HEXB: variants seen among roughly 807,000 people sequenced by gnomAD.
HEXB encodes beta-hexosaminidase subunit beta.
In HEXB, 51 loss-of-function variants were observed where a neutral mutation model predicts 71.2. The ratio of observed to expected loss-of-function variants is 0.72; its 90% CI spans 0.57 to 0.90. HEXB has a LOEUF of 0.90. HEXB is among the 40% of genes least tolerant of loss of function. The pLI is 0.00. For synonymous variants in HEXB, 266 were observed against 249.3 expected, an observed-to-expected ratio of 1.07 and a Z score of -0.63; for missense variants, 617 against 677.0, an observed-to-expected ratio of 0.91 and a Z score of 0.98.
intron 1 of HEXB, chr5:74,640,578 C>A (rs941692063): frequency 5.9e-5 from 9 of 152,328 alleles, no homozygotes; most frequent in Non-Finnish European, 1.5e-5. Flanking sequence ...AGCAAGCCTG[C>A]CACTGCAGGC....
At chr5:74,669,089 T>C (rs935536369) in intron 1 of HEXB, among the ~76,000 whole-genome samples, 3 of 152,082 alleles carry the variant, frequency 2.0e-5, no homozygotes, top group Non-Finnish European at 4.4e-5. Context: ...GTAGCTGGGA[T>C]GACAGGAGCA....
intron 1 of HEXB, 42 bp downstream of exon 1, chr5:74,685,601 G>C (rs369818194): frequency 2.7e-6 from 4 of 1,505,982 alleles, no homozygotes; most frequent in Non-Finnish European, 3.6e-6. Context: ...CTGGGGGAGG[G>C]GAGAGGCGGA....
chr5:74,650,760 A>C (rs982569693), intron 1 of HEXB, among the ~76,000 whole-genome samples: 1 of 143,628 alleles, frequency 7.0e-6, no homozygotes, highest in African/African-American at 2.8e-5. Context: ...TCTCTACTAA[A>C]AATACAAAAA....
At chr5:74,684,435 T>G (rs1475804232), upstream of HEXB, among the ~76,000 whole-genome samples, 2 of 152,198 alleles carry the variant, frequency 1.3e-5, no homozygotes, top group Non-Finnish European at 2.9e-5. Flanking sequence ...AAGGCTTTAT[T>G]GACCACAGCT....
Position 74,689,452 on chromosome 5 carries a change from A to G in HEXB, c.424A>G (p.Asn142Asp). 1 of 1,613,664 alleles carries G rather than the reference A, an allele frequency of 6.2e-7. No homozygotes were observed. The highest frequency in any genetic ancestry group is 8.5e-7 in the Non-Finnish European group (1 of 1,179,568). ...TCAGTCAGAGTGTGATGCTTTCCCCAACATATCTTCAGATGAGTCTTGTAA... is the reference window on the plus strand; with the variant it reads ...TCAGTCAGAGTGTGATGCTTTCCCCGACATATCTTCAGATGAGTCTTGTAA... ...TLQSECDAFP[N>D]ISSDESYTLL... The change falls in exon 2 of 14, where the codon AAC becomes GAC. Residue 142 changes from asparagine (N) to aspartate (D), a missense_variant. Transcript: ENST00000261416.
intron 7 of HEXB, among the ~76,000 whole-genome samples, chr5:74,715,301 C>G (rs1272575846): frequency 1.3e-5 from 2 of 152,106 alleles, no homozygotes; most frequent in East Asian, 3.9e-4. Context: ...GATAAAATCT[C>G]AGATATAATG....
rs186469533 is a variant in HEXB at position 74,709,757 on chromosome 5, A to G, written c.772-3749A>G. Reference sequence around the variant, plus strand: ...AAACCAGGAAGAAGTTGAATCTCTGAATAGACCAATAACAGGAGCTGAAAT... The same window carrying G: ...AAACCAGGAAGAAGTTGAATCTCTGGATAGACCAATAACAGGAGCTGAAAT... On this transcript the variant is annotated intron_variant, in intron 6 of 13. Transcript: ENST00000261416. 2.0e-3 allele frequency among the ~76,000 whole-genome samples: 308 copies of G among 152,360 alleles called. 3 individuals are homozygous for G. The highest frequency in any genetic ancestry group is 0.014 in the East Asian group (75 of 5,192).
rs3058406 is a variant in HEXB at position 74,644,764 on chromosome 5, C to CTTTTTT, written c.-377+4226_-377+4231dup. On this transcript the variant is annotated intron_variant, in intron 1 of 13. Transcript: ENST00000511181. ...GAGAGTATTCTTCCTCTTTTTTTTC[C>CTTTTTT]TTTTTTTTTTTTTTTTTTTTTTTTT... Among the ~76,000 whole-genome samples the CTTTTTT allele has an allele frequency of 1.0e-3, 76 of 72,952 alleles. 1 individual carries two copies. Among genetic ancestry groups the CTTTTTT allele is most frequent in the Admixed American group, 1.5e-3 (6 of 4,064 alleles). 47.9% of individuals were successfully genotyped at this position (72,952 alleles called of 152,430 possible). A position where few individuals can be genotyped will look rare whatever the true frequency, so the allele number is the denominator to read the frequency against.
chr5:74,720,948 T>C (rs1479362502), intron 13 of HEXB, 170 bp from the exon 14 acceptor site: 2 of 771,358 alleles, frequency 2.6e-6, no homozygotes, highest in Non-Finnish European at 4.4e-6. Context: ...TGGTGTAACT[T>C]AGAACTCCAT....
chr5:74,705,414 C>G (rs1300198913), intron 6 of HEXB, 94 bp downstream of exon 6: 3 of 796,956 alleles, frequency 3.8e-6, no homozygotes, highest in East Asian at 5.1e-5. Context: ...TGGATAGAAT[C>G]AAAGTGTAAA....
chr5:74,688,480 G>A (rs776280806), intron 1 of HEXB, among the ~76,000 whole-genome samples: 7 of 151,926 alleles, frequency 4.6e-5, no homozygotes, highest in African/African-American at 9.7e-5. Context: ...GATTACAGGC[G>A]CCTGCCACCA....
rs769208361 is a variant in HEXB, at chr5:74,721,120, G to A, written c.1616G>A (p.Arg539His). The change falls in exon 14 of 14, where the codon CGT becomes CAT. Residue 539 changes from arginine (R) to histidine (H), a missense_variant and splice_region_variant. By Grantham distance (29) the Arg-to-His change is conservative (BLOSUM62 0). Coordinates refer to ENST00000261416, the MANE Select transcript of HEXB (RefSeq NM_000521.4). Reference protein sequence around the residue: ...LTRHRCRMVERGIAAQPLYAG... With the variant: ...LTRHRCRMVEHGIAAQPLYAG... The stretch of plus-strand genomic sequence containing the variant: ...ATCTTTATTCATGTTATCTACAGAC[G>A]TGGAATAGCTGCACAACCTCTTTAT... 28 of 1,609,708 alleles carry A rather than the reference G, an allele frequency of 1.7e-5. No individual in the cohort carries two copies. The highest frequency in any genetic ancestry group is 3.3e-4 in the Middle Eastern group (2 of 6,074).
intron 5 of HEXB, among the ~76,000 whole-genome samples, chr5:74,698,446 C>T (rs1289193248): frequency 6.6e-6 from 1 of 150,750 alleles, no homozygotes; most frequent in Non-Finnish European, 1.5e-5. Flanking sequence ...GGCTGGAGGG[C>T]AGTGGTGCAA....
upstream of HEXB, among the ~76,000 whole-genome samples, chr5:74,684,010 G>A (rs1433421046): frequency 3.3e-5 from 5 of 151,822 alleles, no homozygotes; most frequent in Non-Finnish European, 5.9e-5. Flanking sequence ...TAATAGAGAC[G>A]GGGTTTCACT....
chr5:74,677,635 C>T (rs1161091198), intron 1 of HEXB, among the ~76,000 whole-genome samples: 1 of 152,024 alleles, frequency 6.6e-6, no homozygotes, highest in African/African-American at 2.4e-5. Context: ...GCTCTCCCCA[C>T]TGTCACTGCT....
At chr5:74,699,993 T>C (rs1460192087) in intron 5 of HEXB, among the ~76,000 whole-genome samples, 1 of 147,434 alleles carries the variant, frequency 6.8e-6, no homozygotes, top group African/African-American at 2.5e-5. Flanking sequence ...TTATAAACTG[T>C]AAGTTTCCTT....
intron 5 of HEXB, among the ~76,000 whole-genome samples, chr5:74,698,339 G>C (rs1284850125): frequency 1.3e-5 from 2 of 151,684 alleles, no homozygotes; most frequent in African/African-American, 4.8e-5. Flanking sequence ...CTCCCAAAGT[G>C]CTGGGATTGC....
chr5:74,651,124 A>G (rs1040029248), intron 1 of HEXB, among the ~76,000 whole-genome samples: 2 of 152,150 alleles, frequency 1.3e-5, no homozygotes, highest in African/African-American at 4.8e-5. Context: ...ATGCTTTGTG[A>G]TGCTCAGGTA....
At chr5:74,705,538 C>A (rs1341560982) in intron 6 of HEXB, 2 of 534,348 alleles carry the variant, frequency 3.7e-6, no homozygotes, top group Non-Finnish European at 3.3e-6. Context: ...TGAATATAAA[C>A]AATCTTGGGG....
Sources: gnomAD v4.1 joint callset for allele counts (sites outside exome capture counted in the v4.1 genomes callset) on GRCh38, gnomAD v4.1.1 for gene constraint, MANE v1.5 for transcripts, NCBI Gene and HGNC (gene_info 2026-07-23, HGNC 2026-07-21) for gene names.